CPNE8: variants seen among roughly 807,000 people sequenced by gnomAD.
CPNE8 encodes the protein copine-8.
Under a neutral mutation model 81.5 loss-of-function variants are expected in CPNE8, and 45 were observed. The ratio of observed to expected loss-of-function variants is 0.55; its 90% CI spans 0.44 to 0.71. CPNE8 has a LOEUF of 0.71. Among genes scored for constraint, CPNE8 ranks in the 30% least tolerant of loss-of-function variants. The probability of loss-of-function intolerance (pLI) is 0.00; values close to 1 mark genes in which losing one functional copy is unlikely to be tolerated. For missense variants in CPNE8, 594 were observed against 672.1 expected (o/e 0.88, Z 1.28); for synonymous variants, 252 against 226.3 (o/e 1.11, Z -1.02).
At chr12:38,840,746 C>T (rs1260939815) in intron 4 of CPNE8, among the ~76,000 whole-genome samples, 13 of 152,072 alleles carry the variant, frequency 8.5e-5, no homozygotes. Flanking sequence ...CATAAGACTA[C>T]CATATGTTCT....
chr12:38,791,314 C>G (rs1942317673), intron 6 of CPNE8, among the ~76,000 whole-genome samples: 1 of 151,376 alleles, frequency 6.6e-6, no homozygotes, highest in Non-Finnish European at 1.5e-5. Context: ...TCTTCTTCTT[C>G]AAAATTAGCT....
intron 13 of CPNE8, among the ~76,000 whole-genome samples, chr12:38,704,724 C>G (rs1358557659): frequency 6.6e-6 from 1 of 151,064 alleles, no homozygotes; most frequent in South Asian, 2.1e-4. Flanking sequence ...GAGTATCATG[C>G]TGCTTTTCTT....
intron 13 of CPNE8, among the ~76,000 whole-genome samples, chr12:38,707,180 G>T (rs1400529650): frequency 6.6e-6 from 1 of 151,906 alleles, no homozygotes; most frequent in Non-Finnish European, 1.5e-5. Flanking sequence ...CAGGTTGGGT[G>T]GTGTACACTT....
At chr12:38,728,995 T>A (rs866728949) in intron 11 of CPNE8, among the ~76,000 whole-genome samples, 1 of 152,146 alleles carries the variant, frequency 6.6e-6, no homozygotes, top group Non-Finnish European at 1.5e-5. Context: ...GTGGCACCAG[T>A]CTTGTCAGTT....
intron 10 of CPNE8, among the ~76,000 whole-genome samples, chr12:38,732,840 A>G (rs894310367): frequency 6.6e-6 from 1 of 152,014 alleles, no homozygotes; most frequent in Admixed American, 6.6e-5. Context: ...TGAATAAAAT[A>G]TTAGTCCTCC....
intron 16 of CPNE8, among the ~76,000 whole-genome samples, chr12:38,678,119 G>C (rs970927538): frequency 2.0e-5 from 3 of 151,740 alleles, no homozygotes; most frequent in Admixed American, 6.6e-5. Context: ...GTCATTGAAT[G>C]GTATACGTTT....
At chr12:38,842,625 G>T (rs1425876516) in intron 4 of CPNE8, among the ~76,000 whole-genome samples, 1 of 143,964 alleles carries the variant, frequency 6.9e-6, no homozygotes, top group East Asian at 2.0e-4. Context: ...GCCCAGGCTG[G>T]AGTGCACTGG....
intron 7 of CPNE8, among the ~76,000 whole-genome samples, chr12:38,774,612 A>ATT (rs11438891): frequency 2.1e-4 from 31 of 150,608 alleles, no homozygotes; most frequent in Admixed American, 9.9e-4. Flanking sequence ...GGACTGGAAG[A>ATT]TTTTTTTTTT....
intron 6 of CPNE8, among the ~76,000 whole-genome samples, chr12:38,818,502 T>C (rs1200156852): frequency 1.3e-5 from 2 of 152,250 alleles, no homozygotes; most frequent in Admixed American, 6.5e-5. Context: ...ATGGTGTATA[T>C]GTGCCATATC....
intron 16 of CPNE8, among the ~76,000 whole-genome samples, chr12:38,682,232 G>A (rs1009378039): frequency 2.0e-5 from 3 of 151,372 alleles, no homozygotes; most frequent in African/African-American, 7.3e-5. Flanking sequence ...AACCAAAAAG[G>A]TTCTTTAGTT....
chr12:38,786,856 A>G (rs1942201155), intron 6 of CPNE8, among the ~76,000 whole-genome samples: 1 of 152,156 alleles, frequency 6.6e-6, no homozygotes, highest in Non-Finnish European at 1.5e-5. Flanking sequence ...ATATTATCAG[A>G]GCTAAAGACA....
intron 13 of CPNE8, among the ~76,000 whole-genome samples, chr12:38,719,673 T>C (rs907842034): frequency 6.6e-6 from 1 of 151,748 alleles, no homozygotes; most frequent in African/African-American, 2.4e-5. Flanking sequence ...CATTTAAAGA[T>C]ACATAATACA....
chr12:38,785,057 C>T (rs547279910), intron 6 of CPNE8, among the ~76,000 whole-genome samples: 7 of 151,882 alleles, frequency 4.6e-5, no homozygotes, highest in South Asian at 2.1e-4. Flanking sequence ...TAGCTGGGTG[C>T]GATGGCACGT....
At chr12:38,750,879 C>T (rs1478637201) in intron 10 of CPNE8, among the ~76,000 whole-genome samples, 7 of 151,936 alleles carry the variant, frequency 4.6e-5, no homozygotes, top group African/African-American at 1.5e-4. Flanking sequence ...TTGGGAGGGG[C>T]CAGGGGCAGA....
intron 1 of CPNE8, among the ~76,000 whole-genome samples, chr12:38,885,754 T>C (rs1296227875): frequency 3.3e-5 from 5 of 152,164 alleles, no homozygotes; most frequent in Non-Finnish European, 7.3e-5. Flanking sequence ...ATCCTCAATG[T>C]TGGAGGAGGG....
At chr12:38,713,489 T>A (rs1301643319) in intron 13 of CPNE8, among the ~76,000 whole-genome samples, 1 of 152,150 alleles carries the variant, frequency 6.6e-6, no homozygotes, top group African/African-American at 2.4e-5. Flanking sequence ...GCTGTGTGAC[T>A]CGTGGAGAGA....
chr12:38,785,260 A>G (rs1460821826), intron 6 of CPNE8, among the ~76,000 whole-genome samples: 1 of 151,902 alleles, frequency 6.6e-6, no homozygotes, highest in African/African-American at 2.4e-5. Context: ...TCACTGACTC[A>G]CTGATAGTAG....
chr12:38,782,344 A>T (rs2136906823), intron 6 of CPNE8, among the ~76,000 whole-genome samples: 1 of 152,298 alleles, frequency 6.6e-6, no homozygotes, highest in African/African-American at 2.4e-5. Context: ...TAGAAGAGGA[A>T]AATATACCTA....
At chr12:38,865,798 A>G (rs1457027805) in intron 3 of CPNE8, among the ~76,000 whole-genome samples, 9 of 152,192 alleles carry the variant, frequency 5.9e-5, no homozygotes, top group Non-Finnish European at 1.3e-4. Context: ...TTAAGAGATC[A>G]AAATATTCTG....
Sources: gnomAD v4.1 joint callset for allele counts (sites outside exome capture counted in the v4.1 genomes callset) on GRCh38, gnomAD v4.1.1 for gene constraint, MANE v1.5 for transcripts, NCBI Gene and HGNC (gene_info 2026-07-23, HGNC 2026-07-21) for gene names.